The following ZFP64 variants were observed in gnomAD, a reference collection of about 807,000 sequenced individuals.
ZFP64 encodes ZFP64 zinc finger protein.
ZFP64 carries 14 observed loss-of-function variants against 51.6 expected under a neutral mutation model. That is an observed-to-expected ratio of 0.27 (90% CI 0.18 to 0.42). The LOEUF (loss-of-function observed/expected upper bound fraction) is 0.42. Ranked by LOEUF, ZFP64 falls within the 10% of genes least tolerant of loss-of-function variation. The pLI is 1.00. For missense variants in ZFP64, 754 were observed against 906.8 expected, an observed-to-expected ratio of 0.83 and a Z score of 2.16; for synonymous variants, 375 against 361.4, an observed-to-expected ratio of 1.04 and a Z score of -0.43.
intron 2 of ZFP64, among the ~76,000 whole-genome samples, chr20:52,173,899 C>T (rs183374768): frequency 4.0e-4 from 61 of 152,278 alleles, no homozygotes; most frequent in Admixed American, 2.9e-3. Flanking sequence ...ATCTCCCTGC[C>T]TTGATCTCCA....
chr20:52,155,257 C>T (rs1024405240), intron 5 of ZFP64, among the ~76,000 whole-genome samples: 4 of 152,134 alleles, frequency 2.6e-5, no homozygotes, highest in East Asian at 3.9e-4. Context: ...TTTTGATTTC[C>T]GCTGGCGACA....
chr20:52,134,686 T>TAAC (rs951635118), intron 5 of ZFP64, among the ~76,000 whole-genome samples: 4 of 152,144 alleles, frequency 2.6e-5, no homozygotes, highest in African/African-American at 7.2e-5. Context: ...CACATGCCGA[T>TAAC]AACAACAACA....
In ZFP64 at chr20:52,169,243, G is replaced by A. The variant is rs140441712; in HGVS notation, c.287-3218C>T. Reference sequence around the variant, plus strand: ...AACAGGGATATATTACAGTTCAATAGAACCAGACTCTGGCACTTGTGCATC... The same window carrying A: ...AACAGGGATATATTACAGTTCAATAAAACCAGACTCTGGCACTTGTGCATC... On this transcript the variant is annotated intron_variant, in intron 2 of 5. Coordinates refer to ENST00000216923, the MANE Select transcript of ZFP64 (RefSeq NM_018197.3). Among the ~76,000 whole-genome samples the A allele has an allele frequency of 4.4e-3, 675 of 152,318 alleles. 10 individuals are homozygous for A. The highest frequency in any genetic ancestry group is 0.015 in the African/African-American group (639 of 41,582).
intron 2 of ZFP64, among the ~76,000 whole-genome samples, chr20:52,174,769 G>A (rs556251411): frequency 1.6e-4 from 25 of 152,114 alleles, no homozygotes; most frequent in African/African-American, 5.8e-4. Context: ...ATTTCTTTGG[G>A]TACATTCCTT....
intron 5 of ZFP64, among the ~76,000 whole-genome samples, chr20:52,108,422 G>A (rs1275542413): frequency 2.6e-5 from 4 of 151,676 alleles, no homozygotes; most frequent in Admixed American, 1.3e-4. Flanking sequence ...AATGACAACT[G>A]ATTAGTCTTA....
At chr20:52,112,565 A>G (rs1978647388) in intron 5 of ZFP64, among the ~76,000 whole-genome samples, 1 of 151,650 alleles carries the variant, frequency 6.6e-6, no homozygotes, top group Non-Finnish European at 1.5e-5. Flanking sequence ...GTTGTTTCTG[A>G]TTGTCCTGGG....
At chr20:52,164,643 C>T in intron 4 of ZFP64, 52 bp downstream of exon 4, 6 of 1,487,792 alleles carry the variant, frequency 4.0e-6, no homozygotes, top group Non-Finnish European at 5.6e-6. Context: ...ATCCCCATCT[C>T]CTAGCACAGA....
At chr20:52,176,906 T>C (rs1415604307) in intron 2 of ZFP64, among the ~76,000 whole-genome samples, 1 of 152,214 alleles carries the variant, frequency 6.6e-6, no homozygotes, top group Non-Finnish European at 1.5e-5. Context: ...GCTTGAATTA[T>C]AGCCAAAGTA....
intron 5 of ZFP64, among the ~76,000 whole-genome samples, chr20:52,132,217 A>G (rs574162225): frequency 1.1e-4 from 17 of 152,290 alleles, no homozygotes; most frequent in Admixed American, 1.0e-3. Flanking sequence ...AATACAGCAA[A>G]AGCAGCATTA....
intron 5 of ZFP64, among the ~76,000 whole-genome samples, chr20:52,130,292 C>T (rs1022963050): frequency 6.6e-6 from 1 of 152,210 alleles, no homozygotes; most frequent in Non-Finnish European, 1.5e-5. Context: ...TGGCTCACTG[C>T]AGCCTCAAGT....
chr20:52,112,790 AT>A (rs1189413334), intron 5 of ZFP64, among the ~76,000 whole-genome samples: 1 of 151,420 alleles, frequency 6.6e-6, no homozygotes, highest in Non-Finnish European at 1.5e-5. Context: ...TAATTTTTGT[AT>A]TTTTTTGTAG....
chr20:52,089,241 G>A, intron 7 of ZFP64, among the ~76,000 whole-genome samples: 1 of 152,098 alleles, frequency 6.6e-6, no homozygotes, highest in East Asian at 1.9e-4. Context: ...ACAAATGCTT[G>A]GGGAAAGCCA....
At chr20:52,130,982 C>T (rs751869246) in intron 5 of ZFP64, among the ~76,000 whole-genome samples, 34 of 152,068 alleles carry the variant, frequency 2.2e-4, no homozygotes, top group East Asian at 1.9e-4. Flanking sequence ...AGGAGTATGG[C>T]GTGAACCTGG....
chr20:52,119,327 C>T lies in ZFP64; in HGVS notation c.764-20740G>A, dbSNP rs1738133278. ...AGGTCAGGAGTTCAAGATCAGCAGG[C>T]CAACATGTCGAAACCCCGACTCTAC... On this transcript the variant is annotated intron_variant, in intron 5 of 8. Transcript: ENST00000361387. Among the ~76,000 whole-genome samples, 4 of 150,526 alleles carry T rather than the reference C, an allele frequency of 2.7e-5. No homozygotes were observed. The South Asian group carries it at 8.4e-4, about 32-fold the overall frequency.
intron 7 of ZFP64, among the ~76,000 whole-genome samples, chr20:52,091,336 T>C (rs1216169339): frequency 6.6e-6 from 1 of 151,960 alleles, no homozygotes; most frequent in African/African-American, 2.4e-5. Flanking sequence ...CATCTCTACT[T>C]TAATAAAAGT....
intron 5 of ZFP64, among the ~76,000 whole-genome samples, chr20:52,108,905 A>G: frequency 9.0e-6 from 1 of 111,676 alleles, no homozygotes; most frequent in East Asian, 2.6e-4. Flanking sequence ...CACACACACA[A>G]ACTTACAGGG....
rs1004390236 is a variant in ZFP64 at position 52,191,514 on chromosome 20, C to A, written c.46+77G>T. The A allele has an allele frequency of 4.8e-6, 7 of 1,451,364 alleles. No individual in the cohort carries two copies. Among genetic ancestry groups the A allele is most frequent in the Non-Finnish European group, 5.5e-6 (6 of 1,100,644 alleles). 89.9% of individuals were successfully genotyped at this position (1,451,364 alleles called of 1,614,324 possible). On this transcript the variant is annotated intron_variant, in intron 1 of 5. Transcript: ENST00000216923. The surrounding 1 kb of genome is among the most constrained non-coding windows in gnomAD (Gnocchi z 4.3). ...GGGGCCCCGGGCCTGCTGGCTGCGT[C>A]GCAGACGTGCTTGGGCCCGGGCCCC... is the stretch of plus-strand genomic sequence containing the variant.
chr20:52,166,192 G>C (rs1982254544), intron 2 of ZFP64, among the ~76,000 whole-genome samples, 167 bp from the exon 3 acceptor site: 1 of 148,852 alleles, frequency 6.7e-6, no homozygotes, highest in Non-Finnish European at 1.5e-5. Context: ...AGACACTAGA[G>C]AGCATCCGCT....
chr20:52,122,665 C>T (rs191314235), intron 5 of ZFP64, among the ~76,000 whole-genome samples: 14 of 152,220 alleles, frequency 9.2e-5, no homozygotes, highest in African/African-American at 3.4e-4. Flanking sequence ...AGGAGGCCAT[C>T]GACATGAACA....
Sources: allele counts gnomAD v4.1 joint callset (sites outside exome capture counted in the v4.1 genomes callset), GRCh38; gene constraint gnomAD v4.1.1; non-coding constraint Gnocchi (gnomAD v3.1); transcripts MANE v1.5; gene names NCBI Gene and HGNC (gene_info 2026-07-23, HGNC 2026-07-21).